Variants in MUC22 observed in about 807,000 individuals in gnomAD.
The protein encoded by MUC22 is mucin 22.
MUC22 carries 24 observed loss-of-function variants against 40.3 expected under a neutral mutation model. That is an observed-to-expected ratio of 0.60 (90% CI 0.43 to 0.84). The LOEUF (loss-of-function observed/expected upper bound fraction) is 0.84, where lower values mean the gene tolerates loss of function less well. Ranked by LOEUF, MUC22 falls within the 40% of genes least tolerant of loss-of-function variation. The pLI, the probability that MUC22 is intolerant of heterozygous loss-of-function variation, is 0.00. For missense variants in MUC22, 1,926 were observed against 2,130.7 expected, an observed-to-expected ratio of 0.90 and a Z score of 1.89; for synonymous variants, 765 against 844.5, an observed-to-expected ratio of 0.91 and a Z score of 1.63.
At chr6:31,021,906 C>A (rs115209056) in intron 1 of MUC22, among the ~76,000 whole-genome samples, 1 of 152,068 alleles carries the variant, frequency 6.6e-6, no homozygotes, top group Non-Finnish European at 1.5e-5. Flanking sequence ...TTTGCTACTG[C>A]TCACTTTTTG....
At chr6:31,021,958 G>C (rs374756987) in intron 1 of MUC22, among the ~76,000 whole-genome samples, 1 of 152,138 alleles carries the variant, frequency 6.6e-6, no homozygotes, top group Admixed American at 6.5e-5. Flanking sequence ...CACCGTAAAG[G>C]TCTGCAGCTT....
chr6:31,016,145 T>TC (rs1764184302), intron 1 of MUC22, among the ~76,000 whole-genome samples: 2 of 146,876 alleles, frequency 1.4e-5, no homozygotes, highest in Admixed American at 1.3e-4. Context: ...TTTTTTTTTT[T>TC]TGTGGGTGCT....
At chr6:31,026,845 G>A in exon 2 of MUC22, 1 of 1,476,206 alleles carries the variant, frequency 6.8e-7, no homozygotes, top group Non-Finnish European at 9.0e-7. Flanking sequence ...AGCCTCTACT[G>A]CACATTCTGA....
intron 1 of MUC22, among the ~76,000 whole-genome samples, chr6:31,022,552 TA>T (rs1764937203): frequency 6.8e-6 from 1 of 146,368 alleles, no homozygotes; most frequent in African/African-American, 2.6e-5. Context: ...AATATATGGG[TA>T]AAAATAAAAT....
chr6:31,031,326 C>A (rs1484972728), intron 2 of MUC22, among the ~76,000 whole-genome samples: 1 of 152,106 alleles, frequency 6.6e-6, no homozygotes, highest in Non-Finnish European at 1.5e-5. Flanking sequence ...CTTTGCTGAT[C>A]ACCACAGTGT....
upstream of MUC22, among the ~76,000 whole-genome samples, chr6:31,007,634 C>T (rs1763600481): frequency 6.6e-6 from 1 of 152,112 alleles, no homozygotes; most frequent in African/African-American, 2.4e-5. This position sits in a 1 kb window ranked among gnomAD's most constrained non-coding sequence, Gnocchi z 4.0. Flanking sequence ...CAGGCCTTTC[C>T]TAAATCAAAC....
At chr6:31,021,399 C>A (rs1764727382) in intron 1 of MUC22, among the ~76,000 whole-genome samples, 1 of 151,488 alleles carries the variant, frequency 6.6e-6, no homozygotes, top group South Asian at 2.1e-4. Flanking sequence ...TTTGTAAACA[C>A]ACCAATCAGC....
chr6:31,020,915 G>A (rs1188523598), intron 1 of MUC22, among the ~76,000 whole-genome samples: 4 of 152,350 alleles, frequency 2.6e-5, no homozygotes, highest in African/African-American at 9.6e-5. Flanking sequence ...CCGGCCCACT[G>A]GCGCTGCACT....
At chr6:31,031,092 G>C (rs1441057580) in intron 2 of MUC22, among the ~76,000 whole-genome samples, 1 of 152,142 alleles carries the variant, frequency 6.6e-6, no homozygotes, top group South Asian at 2.1e-4. Flanking sequence ...TATCCTCTTG[G>C]TTCTAAGCAT....
At chr6:31,029,140 A>G (rs1453556599) in exon 2 of MUC22, 4 of 1,534,518 alleles carry the variant, frequency 2.6e-6, no homozygotes, top group Middle Eastern at 3.3e-4. Flanking sequence ...AGAGACCACC[A>G]CAGTCTCTAC....
intron 1 of MUC22, among the ~76,000 whole-genome samples, chr6:31,022,577 AT>A (rs28743245): frequency 0.06 from 9,202 of 152,108 alleles, 346 homozygotes; most frequent in South Asian, 0.12. Flanking sequence ...TTTCATTTAA[AT>A]TTTAAAAGAT....
chr6:31,029,555 C>A, exon 2 of MUC22: 1 of 1,529,172 alleles, frequency 6.5e-7, no homozygotes, highest in Non-Finnish European at 8.8e-7. Context: ...GGCTCTGAGG[C>A]CACTACAGTT....
chr6:31,026,138 A>T, exon 2 of MUC22: 1 of 1,532,116 alleles, frequency 6.5e-7, no homozygotes, highest in Non-Finnish European at 8.7e-7. Flanking sequence ...GCAGGCTCTG[A>T]GGCCACCACA....
exon 2 of MUC22, chr6:31,028,179 C>T: frequency 6.5e-7 from 1 of 1,533,972 alleles, no homozygotes; most frequent in Non-Finnish European, 8.7e-7. Context: ...CTGAGAGGAC[C>T]ATCACCTCTA....
At chr6:31,022,243 GAC>G (rs1216960374) in intron 1 of MUC22, among the ~76,000 whole-genome samples, 4 of 152,238 alleles carry the variant, frequency 2.6e-5, no homozygotes, top group South Asian at 2.1e-4. Context: ...ACCAATTCCA[GAC>G]ACACTGGGTT....
At chr6:31,020,718 G>A (rs540349431) in intron 1 of MUC22, among the ~76,000 whole-genome samples, 25 of 152,296 alleles carry the variant, frequency 1.6e-4, no homozygotes, top group Middle Eastern at 3.4e-3. Context: ...AGGGAGGTGT[G>A]GAGGGAGAGG....
In MUC22 at chr6:31,011,058, G is replaced by T. The variant is rs1319733053; in HGVS notation, c.70+282G>T. ...TGGGGCGGTGCTGGGGAAATGGAGG[G>T]GGGTGAGATTTTACTTTCCTTTGTA... On this transcript the variant is annotated intron_variant, in intron 1 of 3. Transcript: ENST00000561890. This position sits in a 1 kb window ranked among gnomAD's most constrained non-coding sequence, Gnocchi z 4.5. Among the ~76,000 whole-genome samples the T allele has an allele frequency of 2.0e-5, 3 of 151,552 alleles. No homozygotes were observed. Among genetic ancestry groups the T allele is most frequent in the Non-Finnish European group, 2.9e-5 (2 of 67,970 alleles).
chr6:31,031,577 C>A (rs1387617635), intron 2 of MUC22, among the ~76,000 whole-genome samples: 1 of 152,042 alleles, frequency 6.6e-6, no homozygotes, highest in Non-Finnish European at 1.5e-5. Flanking sequence ...TGAATAAGTT[C>A]TTTAGTGGTG....
chr6:31,025,411 A>G, intron 1 of MUC22, 91 bp from the exon 2 acceptor site: 1 of 1,321,592 alleles, frequency 7.6e-7, no homozygotes, highest in Non-Finnish European at 1.0e-6. Context: ...AATGAATAAG[A>G]AGTACTGAGT....
Sources: allele counts gnomAD v4.1 joint callset (sites outside exome capture counted in the v4.1 genomes callset), GRCh38; gene constraint gnomAD v4.1.1; non-coding constraint Gnocchi (gnomAD v3.1); transcripts MANE v1.5; gene names NCBI Gene and HGNC (gene_info 2026-07-23, HGNC 2026-07-21).